PAK5: variants seen among roughly 807,000 people sequenced by gnomAD.
The protein encoded by PAK5 is serine/threonine-protein kinase PAK 5.
Under a neutral mutation model 65.9 loss-of-function variants are expected in PAK5, and 16 were observed. The ratio of observed to expected loss-of-function variants is 0.24; its 90% confidence interval spans 0.16 to 0.37. The LOEUF is 0.37. Ranked by LOEUF, PAK5 falls within the 10% of genes least tolerant of loss-of-function variation. PAK5 has a pLI of 1.00. For missense variants in PAK5, 785 were observed against 903.9 expected (o/e 0.87, Z 1.69); for synonymous variants, 371 against 354.9 (o/e 1.05, Z -0.51).
At chr20:9,749,912 G>A (rs929207893) in intron 1 of PAK5, among the ~76,000 whole-genome samples, 1 of 152,100 alleles carries the variant, frequency 6.6e-6, no homozygotes, top group African/African-American at 2.4e-5. Context: ...GATGGCACAC[G>A]TCCTCAGGCC....
intron 3 of PAK5, among the ~76,000 whole-genome samples, chr20:9,596,693 T>C (rs1188142478): frequency 1.3e-5 from 2 of 150,188 alleles, no homozygotes; most frequent in East Asian, 3.9e-4. Context: ...GAGGAGCTTT[T>C]AAAAATCCTT....
At position 9,557,740 on chromosome 20, in the gene PAK5, A is replaced by C; in HGVS notation, c.1617-6T>G. The C allele has an allele frequency of 6.2e-7, 1 of 1,610,418 alleles. No homozygotes were observed. The highest frequency in any genetic ancestry group is 8.5e-7 in the Non-Finnish European group (1 of 1,177,222). On this transcript the variant is annotated splice_polypyrimidine_tract_variant and splice_region_variant and intron_variant, in intron 6 of 9. Coordinates refer to ENST00000353224, the MANE Select transcript of PAK5 (RefSeq NM_177990.4). ...CTATCTGTTCTTCATTCATTCTGGA[A>C]AGGAAATAACATTTAAGGAACAAGA...
chr20:9,551,729 T>C (rs1432126573), intron 7 of PAK5, among the ~76,000 whole-genome samples: 1 of 152,176 alleles, frequency 6.6e-6, no homozygotes, highest in Non-Finnish European at 1.5e-5. Context: ...GTACAATGTA[T>C]GTAGCATCAG....
intron 5 of PAK5, among the ~76,000 whole-genome samples, chr20:9,564,526 C>T (rs1277239990): frequency 6.6e-6 from 1 of 152,138 alleles, no homozygotes; most frequent in African/African-American, 2.4e-5. Context: ...TCATATCTAG[C>T]AGATGAACAG....
chr20:9,632,294 C>T (rs2046932131), intron 3 of PAK5, among the ~76,000 whole-genome samples: 1 of 152,094 alleles, frequency 6.6e-6, no homozygotes, highest in Admixed American at 6.6e-5. Context: ...TGGAGACAGG[C>T]TTGTGATCTG....
chr20:9,748,055 G>A (rs1382693656), intron 1 of PAK5, among the ~76,000 whole-genome samples: 2 of 152,104 alleles, frequency 1.3e-5, no homozygotes, highest in East Asian at 1.9e-4. Flanking sequence ...GATAAACAGA[G>A]AGCCAAATCA....
At chr20:9,582,920 G>A (rs774956964) in intron 3 of PAK5, among the ~76,000 whole-genome samples, 14 of 152,112 alleles carry the variant, frequency 9.2e-5, no homozygotes, top group Non-Finnish European at 1.6e-4. Flanking sequence ...TGGCTGCTGT[G>A]TCCCTTTGAT....
chr20:9,836,237 G>A (rs1979138265), intron 1 of PAK5, among the ~76,000 whole-genome samples: 1 of 152,214 alleles, frequency 6.6e-6, no homozygotes, highest in Non-Finnish European at 1.5e-5. Flanking sequence ...GGATGTTGGT[G>A]TACTGGGCTG....
At chr20:9,775,558 T>G (rs754053711) in intron 1 of PAK5, among the ~76,000 whole-genome samples, 6 of 152,240 alleles carry the variant, frequency 3.9e-5, no homozygotes, top group Non-Finnish European at 8.8e-5. Flanking sequence ...TATTTTTATT[T>G]TTGTGGGTAC....
intron 4 of PAK5, 120 bp downstream of exon 4, chr20:9,580,025 T>C (rs749951911): frequency 2.3e-6 from 2 of 851,708 alleles, no homozygotes; most frequent in South Asian, 2.0e-5. Flanking sequence ...GGTTTTGATA[T>C]TGATTTTCCC....
chr20:9,722,113 A>T (rs1170512181), intron 1 of PAK5, among the ~76,000 whole-genome samples: 4 of 152,154 alleles, frequency 2.6e-5, no homozygotes, highest in African/African-American at 9.7e-5. Context: ...TAAGAAGTTC[A>T]TTCGAAGGGA....
intron 1 of PAK5, among the ~76,000 whole-genome samples, chr20:9,771,404 TAAA>T (rs372717784): frequency 1.3e-5 from 2 of 149,384 alleles, no homozygotes; most frequent in South Asian, 2.1e-4. Context: ...ATCTATAATT[TAAA>T]AAAATTTTTT....
intron 7 of PAK5, among the ~76,000 whole-genome samples, chr20:9,548,555 A>C (rs1279346794): frequency 6.6e-6 from 1 of 152,184 alleles, no homozygotes; most frequent in Non-Finnish European, 1.5e-5. Flanking sequence ...CTCTAGCTAG[A>C]GATGACATTC....
chr20:9,824,775 G>A (rs116713998), intron 1 of PAK5, among the ~76,000 whole-genome samples: 1,843 of 152,082 alleles, frequency 0.012, 36 homozygotes, highest in African/African-American at 0.04. Flanking sequence ...ATGACCTTCT[G>A]GCATTCTATA....
chr20:9,819,912 G>T (rs1483946717), intron 1 of PAK5, among the ~76,000 whole-genome samples: 3 of 152,168 alleles, frequency 2.0e-5, no homozygotes. Flanking sequence ...CCCAAGAGCT[G>T]TAGGGGGGCT....
intron 3 of PAK5, among the ~76,000 whole-genome samples, chr20:9,623,606 A>C (rs577943965): frequency 6.6e-6 from 1 of 152,328 alleles, no homozygotes; most frequent in East Asian, 1.9e-4. Flanking sequence ...ACAGATACCC[A>C]AATAAAAGTA....
chr20:9,774,300 T>G (rs533559633), intron 1 of PAK5, among the ~76,000 whole-genome samples: 79 of 152,286 alleles, frequency 5.2e-4, no homozygotes, highest in Middle Eastern at 6.8e-3. Flanking sequence ...AACACGAACA[T>G]GCACAAAACT....
chr20:9,618,290 G>A (rs2046698462), intron 3 of PAK5, among the ~76,000 whole-genome samples: 1 of 151,772 alleles, frequency 6.6e-6, no homozygotes, highest in South Asian at 2.1e-4. Flanking sequence ...TAATCAAATT[G>A]ATAAAACATA....
intron 1 of PAK5, among the ~76,000 whole-genome samples, chr20:9,720,500 C>T (rs559591143): frequency 9.2e-5 from 14 of 152,200 alleles, no homozygotes; most frequent in African/African-American, 3.4e-4. Context: ...GTTTTGATAG[C>T]TCTGTATCAA....
Sources: gnomAD v4.1 joint callset for allele counts (sites outside exome capture counted in the v4.1 genomes callset) on GRCh38, gnomAD v4.1.1 for gene constraint, MANE v1.5 for transcripts, NCBI Gene and HGNC (gene_info 2026-07-23, HGNC 2026-07-21) for gene names.